The following EDNRB variants were observed in gnomAD, a reference collection of about 807,000 sequenced individuals.
EDNRB encodes the protein Hirschsprung disease 2.
A neutral mutation model predicts 46.4 loss-of-function variants in EDNRB; 18 were observed. The observed-to-expected ratio is 0.39, with a 90% CI of 0.27 to 0.57. The LOEUF is 0.57. EDNRB is among the 20% of genes least tolerant of loss of function. The pLI, the probability that EDNRB is intolerant of heterozygous loss-of-function variation, is 0.61. For missense variants in EDNRB, 434 were observed against 537.5 expected (o/e 0.81, Z 1.90); for synonymous variants, 213 against 204.9 (o/e 1.04, Z -0.34).
chr13:77,916,580 C>T (rs892095148), intron 1 of EDNRB, among the ~76,000 whole-genome samples: 14 of 152,130 alleles, frequency 9.2e-5, no homozygotes, highest in East Asian at 1.9e-4. Context: ...CAGAAATGTT[C>T]GGAATTCCCC....
upstream of EDNRB, chr13:77,919,121 C>A (rs929746131): frequency 1.6e-5 from 8 of 498,276 alleles, no homozygotes; most frequent in Middle Eastern, 5.6e-4. Flanking sequence ...TACTCCCTGG[C>A]TGGCTGAGCT....
intron 1 of EDNRB, among the ~76,000 whole-genome samples, chr13:77,945,689 A>G (rs1880883504): frequency 6.6e-6 from 1 of 152,132 alleles, no homozygotes; most frequent in South Asian, 2.1e-4. Context: ...AACAAAAGAC[A>G]TAAAAATAAG....
Position 77,897,669 on chromosome 13 carries a change from C to A in EDNRB, c.*531G>T. On this transcript the variant is annotated 3_prime_UTR_variant, in exon 7 of 7. Coordinates refer to ENST00000646607, the MANE Select transcript of EDNRB (RefSeq NM_001122659.3). ...AAATGTTTCCAGTGTCCGAAAAATG[C>A]AACAACTAAACTGCTCTCTCATTTG... 1 of 986,302 alleles carries A rather than the reference C, an allele frequency of 1.0e-6. No individual in the cohort carries two copies. The highest frequency in any genetic ancestry group is 1.2e-6 in the Non-Finnish European group (1 of 830,672). The allele number at this position is 986,302 out of a possible 1,614,324, so 61.1% of individuals were successfully genotyped here. A position where few individuals can be genotyped will look rare whatever the true frequency, so the allele number is the denominator to read the frequency against.
At chr13:77,950,679 C>T (rs1594392838) in intron 1 of EDNRB, among the ~76,000 whole-genome samples, 1 of 152,298 alleles carries the variant, frequency 6.6e-6, no homozygotes, top group Non-Finnish European at 1.5e-5. Flanking sequence ...TCCCAGTTTC[C>T]CTCCAGCTTA....
chr13:77,959,217 A>G (rs1373822662), intron 1 of EDNRB, among the ~76,000 whole-genome samples: 1 of 152,186 alleles, frequency 6.6e-6, no homozygotes, highest in Non-Finnish European at 1.5e-5. Flanking sequence ...ACGGAGTTTG[A>G]GGTCTGAGAA....
At chr13:77,968,968 TTA>T (rs1397308748) in intron 1 of EDNRB, among the ~76,000 whole-genome samples, 1 of 152,172 alleles carries the variant, frequency 6.6e-6, no homozygotes, top group African/African-American at 2.4e-5. Context: ...TAGGAGATAC[TTA>T]GAGTTACTTC....
intron 1 of EDNRB, among the ~76,000 whole-genome samples, chr13:77,938,367 G>A (rs1481515883): frequency 1.3e-5 from 2 of 151,940 alleles, no homozygotes; most frequent in Non-Finnish European, 2.9e-5. Context: ...TGGAAATTAG[G>A]GATTGGGGGG....
chr13:77,898,175 T>G lies in EDNRB; in HGVS notation c.*25A>C, dbSNP rs528773713. ...TGACTTCGGTCCAATATAAAGAAAA[T>G]GAAATACAGTGAATAGTTCTTCTTT... On this transcript the variant is annotated 3_prime_UTR_variant, in exon 7 of 7. Transcript: ENST00000646607. The G allele has an allele frequency of 1.2e-6, 2 of 1,608,976 alleles. No individual in the cohort carries two copies. Among genetic ancestry groups the G allele is most frequent in the Admixed American group, 3.4e-5 (2 of 59,680 alleles).
chr13:77,973,439 A>G (rs571707334), intron 1 of EDNRB, among the ~76,000 whole-genome samples: 51 of 152,112 alleles, frequency 3.4e-4, no homozygotes, highest in African/African-American at 1.2e-3. Flanking sequence ...GCAGGTTGGT[A>G]CTTCAAGAAA....
chr13:77,921,996 T>G (rs1205908050), upstream of EDNRB, among the ~76,000 whole-genome samples: 2 of 152,192 alleles, frequency 1.3e-5, no homozygotes, highest in East Asian at 3.8e-4. Context: ...TCGATAAATT[T>G]TATTTATGAA....
In EDNRB at chr13:77,896,797, T is replaced by G; in HGVS notation, c.*1403A>C. On this transcript the variant is annotated 3_prime_UTR_variant, in exon 7 of 7. Coordinates refer to ENST00000646607, the MANE Select transcript of EDNRB (RefSeq NM_001122659.3). ...ATTTCCTCTCTCTTCCGTTTTCTCT[T>G]GTACATACTTTCACACACATCTCAT... 7.9e-7 allele frequency: 1 copy of G among 1,264,198 alleles called. No individual in the cohort carries two copies. The highest frequency in any genetic ancestry group is 1.0e-6 in the Non-Finnish European group (1 of 1,002,352). 78.3% of individuals were successfully genotyped at this position (1,264,198 alleles called of 1,614,324 possible).
intron 1 of EDNRB, among the ~76,000 whole-genome samples, chr13:77,924,907 T>C (rs540750238): frequency 6.6e-6 from 1 of 152,320 alleles, no homozygotes; most frequent in East Asian, 1.9e-4. Context: ...ACTTGCTCCT[T>C]CTTGCCTTCC....
chr13:77,931,519 G>T (rs1880398543), intron 1 of EDNRB, among the ~76,000 whole-genome samples: 1 of 151,994 alleles, frequency 6.6e-6, no homozygotes, highest in Admixed American at 6.6e-5. Flanking sequence ...GTTGTTGTTT[G>T]TTTGTTTTCA....
In EDNRB at chr13:77,918,484, GC is replaced by G; in HGVS notation, c.89del (p.Gly30AlafsTer16). ...GCGGAGTGGCCCTGTCAGGCGGGAAGCCTCTCTCCTCTCCCCAGATCCGCGA... is the reference window on the plus strand; with the variant it reads ...GCGGAGTGGCCCTGTCAGGCGGGAAGCTCTCTCCTCTCCCCAGATCCGCGA... ...GLSRIWGEER[G>X]FPPDRATPLL... On this transcript the variant is annotated frameshift_variant, in exon 1 of 7. Transcript: ENST00000646607. LOFTEE classifies it high-confidence loss of function. This position sits in a 1 kb window ranked among gnomAD's most constrained non-coding sequence, Gnocchi z 4.5. 1 of 1,564,054 alleles carries G rather than the reference GC, an allele frequency of 6.4e-7. No homozygotes were observed. Among genetic ancestry groups the G allele is most frequent in the Non-Finnish European group, 8.6e-7 (1 of 1,159,848 alleles).
chr13:77,900,650 C>A lies in EDNRB; in HGVS notation c.956G>T (p.Arg319Leu), dbSNP rs759543922. The A allele has an allele frequency of 5.0e-6, 8 of 1,612,132 alleles. No homozygotes were observed. Among genetic ancestry groups the A allele is most frequent in the South Asian group, 1.1e-5 (1 of 91,036 alleles). The change falls in exon 5 of 7, where the codon CGG becomes CTG. Residue 319 changes from arginine (R) to leucine (L), a missense_variant. Physicochemically the swap from Arg to Leu is moderately radical, Grantham distance 102. Coordinates refer to ENST00000646607, the MANE Select transcript of EDNRB (RefSeq NM_001122659.3). ...IALNDHLKQRREVAKTVFCLV... is the reference protein window; with the variant it reads ...IALNDHLKQRLEVAKTVFCLV... Reference sequence around the variant, plus strand: ...GCAAAAGACGGTTTTGGCCACTTCCCGTCTCTGAAATAAATCCATAGTTTG... The same window carrying A: ...GCAAAAGACGGTTTTGGCCACTTCCAGTCTCTGAAATAAATCCATAGTTTG...
intron 1 of EDNRB, among the ~76,000 whole-genome samples, chr13:77,952,149 A>T (rs1881110049): frequency 6.6e-6 from 1 of 152,142 alleles, no homozygotes; most frequent in Non-Finnish European, 1.5e-5. Context: ...AAGCAAGTTT[A>T]TTAAGAAAGT....
In EDNRB at chr13:77,938,220, G is replaced by C. The variant is rs151270108; in HGVS notation, c.-51-19596C>G. ...GAAAAGAGAGAGTAGAGACACAGAGGGAAAGGGTCCGGGGGTTCTTACCCT... is the reference window on the plus strand; with the variant it reads ...GAAAAGAGAGAGTAGAGACACAGAGCGAAAGGGTCCGGGGGTTCTTACCCT... On this transcript the variant is annotated intron_variant, in intron 1 of 7. Coordinates refer to the EDNRB transcript ENST00000646948. Among the ~76,000 whole-genome samples, 815 of 152,132 alleles carry C rather than the reference G, an allele frequency of 5.4e-3. 13 individuals are homozygous for C. The highest frequency in any genetic ancestry group is 0.019 in the African/African-American group (768 of 41,490).
rs553809999 is a variant in EDNRB, at chr13:77,954,214, CAGA to C, written c.-52+21130_-52+21132del. Among the ~76,000 whole-genome samples, 751 of 152,216 alleles carry C rather than the reference CAGA, an allele frequency of 4.9e-3. 6 individuals carry two copies. Among genetic ancestry groups the C allele is most frequent in the African/African-American group, 0.017 (708 of 41,542 alleles). ...TGTTAGTCATAGGTACTATGTTTTA[CAGA>C]AGATCTCTGAAACTCATTTATTTCC... On this transcript the variant is annotated intron_variant, in intron 1 of 7. Transcript: ENST00000646948.
chr13:77,917,942 A>T, intron 1 of EDNRB, 149 bp downstream of exon 1: 1 of 1,227,194 alleles, frequency 8.1e-7, no homozygotes, highest in South Asian at 1.3e-5. Context: ...ACCAAATGGA[A>T]TTTGGTTCCA....
Sources: allele counts gnomAD v4.1 joint callset (sites outside exome capture counted in the v4.1 genomes callset), GRCh38; gene constraint gnomAD v4.1.1; non-coding constraint Gnocchi (gnomAD v3.1); transcripts MANE v1.5; gene names NCBI Gene and HGNC (gene_info 2026-07-23, HGNC 2026-07-21).